Variants in HADHB observed in about 807,000 individuals in gnomAD.
The protein encoded by HADHB is hydroxyacyl-CoA dehydrogenase trifunctional multienzyme complex subunit beta, also known as trifunctional enzyme subunit beta, mitochondrial.
In HADHB, 50 loss-of-function variants were observed where a neutral mutation model predicts 61.9. The observed-to-expected ratio is 0.81, with a 90% CI of 0.64 to 1.02. The LOEUF is 1.02. Among genes scored for constraint, HADHB ranks in the 50% least tolerant of loss-of-function variants. HADHB has a pLI of 0.00. For missense variants in HADHB, 504 were observed against 586.5 expected (o/e 0.86, Z 1.45); for synonymous variants, 191 against 201.6 (o/e 0.95, Z 0.45).
At chr2:26,277,291 G>A in intron 7 of HADHB, 131 bp downstream of exon 7, 1 of 586,892 alleles carries the variant, frequency 1.7e-6, no homozygotes, top group South Asian at 2.0e-5. Context: ...AGGCTGGAGT[G>A]CAGTGGTACC....
intron 12 of HADHB, 60 bp from the exon 13 acceptor site, chr2:26,284,057 T>C (rs1175180531): frequency 1.1e-6 from 1 of 910,070 alleles, no homozygotes; most frequent in Non-Finnish European, 1.8e-6. Flanking sequence ...TTGGGGAATA[T>C]GAAGGAGCTC....
At chr2:26,254,772 C>T (rs191538316) in intron 3 of HADHB, 31 of 365,576 alleles carry the variant, frequency 8.5e-5, no homozygotes, top group Admixed American at 1.2e-4. Context: ...TCTTGCTGTC[C>T]GTCCTGGAGG....
chr2:26,276,157 C>T (rs959581699), intron 6 of HADHB, among the ~76,000 whole-genome samples: 2 of 152,080 alleles, frequency 1.3e-5, no homozygotes, highest in Non-Finnish European at 2.9e-5. Context: ...CATAATTTCC[C>T]CCAATAAATA....
At chr2:26,254,865 T>C (rs946780627) in intron 3 of HADHB, 4 of 222,986 alleles carry the variant, frequency 1.8e-5, no homozygotes, top group Admixed American at 5.2e-5. Context: ...TGCTTCTCTA[T>C]TGATGAATAT....
At chr2:26,274,414 G>C (rs2147820780) in intron 6 of HADHB, among the ~76,000 whole-genome samples, 1 of 152,310 alleles carries the variant, frequency 6.6e-6, no homozygotes, top group South Asian at 2.1e-4. Flanking sequence ...ATTGTACTCA[G>C]TATTTTCCCT....
At position 26,263,458 on chromosome 2, in the gene HADHB, C is replaced by G; in HGVS notation, c.188C>G (p.Pro63Arg). 1 of 1,607,924 alleles carries G rather than the reference C, an allele frequency of 6.2e-7. No individual in the cohort carries two copies. Among genetic ancestry groups the G allele is most frequent in the Non-Finnish European group, 8.5e-7 (1 of 1,174,462 alleles). Residue 63 changes from proline to arginine, a missense_variant, in exon 4 of 16, where the codon CCA (proline) becomes CGA (arginine). Transcript: ENST00000317799. ...GTGGTGGTGGATGGTGTTCGCACTCCATTTTTGCTGTCTGGCACTTCGTAA... is the reference window on the plus strand; with the variant it reads ...GTGGTGGTGGATGGTGTTCGCACTCGATTTTTGCTGTCTGGCACTTCGTAA... ...NVVVVDGVRTPFLLSGTSYKD... is the reference protein window; with the variant it reads ...NVVVVDGVRTRFLLSGTSYKD...
intron 5 of HADHB, among the ~76,000 whole-genome samples, chr2:26,270,926 T>G (rs1218036128): frequency 6.7e-6 from 1 of 149,834 alleles, no homozygotes; most frequent in Non-Finnish European, 1.5e-5. Context: ...TCACCCAGGC[T>G]GGAGTGCAGT....
intron 1 of HADHB, among the ~76,000 whole-genome samples, chr2:26,251,776 G>T (rs900752232): frequency 2.6e-5 from 4 of 152,042 alleles, no homozygotes; most frequent in Non-Finnish European, 5.9e-5. Flanking sequence ...TTTCTTTTCG[G>T]AAGCTATAGG....
At chr2:26,268,517 T>G (rs1574654723) in intron 4 of HADHB, among the ~76,000 whole-genome samples, 1 of 152,216 alleles carries the variant, frequency 6.6e-6, no homozygotes, top group Non-Finnish European at 1.5e-5. Flanking sequence ...TAGTAAGTCA[T>G]GTTGATATCA....
intron 3 of HADHB, among the ~76,000 whole-genome samples, chr2:26,257,462 A>G (rs1671674645): frequency 6.6e-6 from 1 of 152,084 alleles, no homozygotes; most frequent in Non-Finnish European, 1.5e-5. Flanking sequence ...ACAGGGTCCC[A>G]TAACTGTAGT....
At chr2:26,256,149 C>T (rs1671598373) in intron 3 of HADHB, among the ~76,000 whole-genome samples, 1 of 152,176 alleles carries the variant, frequency 6.6e-6, no homozygotes, top group African/African-American at 2.4e-5. Context: ...ATAACAGTGT[C>T]CCACAAGTAA....
Position 26,254,456 on chromosome 2 carries a change from C to T in HADHB, c.91C>T (p.Gln31Ter), listed in dbSNP as rs764825824. ...FSIRPLSCSS[Q>*]LRAAPAVQTK... ...CATAAGACCTCTGAGCTGTTCCTCC[C>T]AGCTACGAGCTGCCCCAGGTACAGT... Residue 31 changes from glutamine (Q) to a stop codon, truncating the protein, a stop_gained, in exon 3 of 16, where the codon CAG (glutamine) becomes TAG (stop). Transcript: ENST00000317799. LOFTEE classifies it high-confidence loss of function. 5 of 1,599,562 alleles carry T rather than the reference C, an allele frequency of 3.1e-6. No homozygotes were observed. Among genetic ancestry groups the T allele is most frequent in the Non-Finnish European group, 4.3e-6 (5 of 1,166,738 alleles).
chr2:26,252,475 CT>C (rs1185891906), intron 1 of HADHB, among the ~76,000 whole-genome samples: 1 of 152,180 alleles, frequency 6.6e-6, no homozygotes, highest in Admixed American at 6.5e-5. Context: ...ACCCAGTTCC[CT>C]TTCTTCCAGC....
chr2:26,280,259 T>TAA lies in HADHB; in HGVS notation c.933+153_933+154dup, dbSNP rs57205063. 1,608 of 599,402 alleles carry TAA rather than the reference T, an allele frequency of 2.7e-3. 8 individuals are homozygous for TAA. Among genetic ancestry groups the TAA allele is most frequent in the African/African-American group, 0.022 (1,114 of 51,728 alleles). The allele number at this position is 599,402 out of a possible 1,614,324, so 37.1% of individuals were successfully genotyped here. On this transcript the variant is annotated intron_variant, in intron 10 of 15. Transcript: ENST00000317799. ...CATTTTAATGTGAAAGTGGAGTCAT[T>TAA]AAAAAAAAAATAGAATCACGGTTTT...
At chr2:26,246,309 T>C (rs1458393869) in intron 1 of HADHB, among the ~76,000 whole-genome samples, 1 of 152,044 alleles carries the variant, frequency 6.6e-6, no homozygotes, top group Non-Finnish European at 1.5e-5. Context: ...CTTTGGTCTC[T>C]GTTATATATT....
At chr2:26,254,407 A>G (rs1246542678) in intron 2 of HADHB, 23 bp from the exon 3 acceptor site, 1 of 1,590,092 alleles carries the variant, frequency 6.3e-7, no homozygotes, top group Admixed American at 1.7e-5. Context: ...TGCTTTTTGT[A>G]AACAGTTTAT....
Position 26,285,576 on chromosome 2 carries a change from G to A in HADHB, c.1389+5G>A, listed in dbSNP as rs1156245096. 1.9e-6 allele frequency: 3 copies of A among 1,606,986 alleles called. No homozygotes were observed. The highest frequency in any genetic ancestry group is 2.2e-5 in the East Asian group (1 of 44,766). ...GCGTGTGCAGCTGGAGGGCAGGTAC[G>A]TTACAGTGGTGTCATAGGACCCTCC... On this transcript the variant is annotated splice_donor_5th_base_variant and intron_variant, in intron 15 of 15. Transcript: ENST00000317799.
Position 26,289,996 on chromosome 2 carries a change from C to T in HADHB, c.*43C>T, listed in dbSNP as rs192988436. Reference sequence around the variant, plus strand: ...ACCTGAAGTTTCTGTGCAACACTCACACTAGGCAATGCCATTTCAATGCAT... The same window carrying T: ...ACCTGAAGTTTCTGTGCAACACTCATACTAGGCAATGCCATTTCAATGCAT... On this transcript the variant is annotated 3_prime_UTR_variant, in exon 16 of 16. Transcript: ENST00000317799. 6.5e-5 allele frequency: 87 copies of T among 1,344,268 alleles called. 1 individual carries two copies. The African/African-American group carries it at 6.6e-4, about 10-fold the overall frequency. 83.3% of individuals were successfully genotyped at this position (1,344,268 alleles called of 1,614,324 possible).
rs565210231 is a variant in HADHB, at chr2:26,284,770, T to C, written c.1150-113T>C. The C allele has an allele frequency of 1.7e-4, 129 of 761,214 alleles. No individual in the cohort carries two copies. The African/African-American group carries it at 2.0e-3, about 12-fold the overall frequency. The allele number at this position is 761,214 out of a possible 1,614,324, so 47.2% of individuals were successfully genotyped here. ...ATGTGAGCCACTGTGCCTGGCCGATTTGTTCAACTTTAAACCATACCTAAA... is the reference window on the plus strand; with the variant it reads ...ATGTGAGCCACTGTGCCTGGCCGATCTGTTCAACTTTAAACCATACCTAAA... On this transcript the variant is annotated intron_variant, in intron 13 of 15. Transcript: ENST00000317799.
Sources: allele counts gnomAD v4.1 joint callset (sites outside exome capture counted in the v4.1 genomes callset), GRCh38; gene constraint gnomAD v4.1.1; transcripts MANE v1.5; gene names NCBI Gene and HGNC (gene_info 2026-07-23, HGNC 2026-07-21).